The following CPPED1 variants were observed in gnomAD, a reference collection of about 807,000 sequenced individuals.
CPPED1 encodes serine/threonine-protein phosphatase CPPED1.
In CPPED1, 28 loss-of-function variants were observed where a neutral mutation model predicts 28.0. The ratio of observed to expected loss-of-function variants is 1.00; its 90% CI spans 0.74 to 1.37. The LOEUF is 1.37. Ranked by LOEUF, CPPED1 falls within the 40% of genes most tolerant of loss-of-function variation. The pLI, the probability that CPPED1 is intolerant of heterozygous loss-of-function variation, is 0.00. For missense variants in CPPED1, 504 were observed against 416.5 expected, an observed-to-expected ratio of 1.21 and a Z score of -1.83; for synonymous variants, 198 against 180.2, an observed-to-expected ratio of 1.10 and a Z score of -0.79.
chr16:12,681,953 G>A (rs1242005230), intron 3 of CPPED1, among the ~76,000 whole-genome samples: 1 of 152,134 alleles, frequency 6.6e-6, no homozygotes, highest in Non-Finnish European at 1.5e-5. Flanking sequence ...CCACAGCCTT[G>A]AGAGTGTGAT....
At chr16:12,698,107 C>T (rs1161939357) in intron 3 of CPPED1, among the ~76,000 whole-genome samples, 1 of 152,066 alleles carries the variant, frequency 6.6e-6, no homozygotes, top group Non-Finnish European at 1.5e-5. Context: ...GAGACTCTGA[C>T]CCCAACCCCC....
intron 2 of CPPED1, among the ~76,000 whole-genome samples, chr16:12,770,415 G>C (rs1167480406): frequency 6.6e-6 from 1 of 152,202 alleles, no homozygotes; most frequent in Non-Finnish European, 1.5e-5. Context: ...AGAACGCAAT[G>C]CAGTTATTAA....
At chr16:12,798,583 TCAG>T (rs2080640772) in intron 1 of CPPED1, among the ~76,000 whole-genome samples, 3 of 152,236 alleles carry the variant, frequency 2.0e-5, no homozygotes, top group Admixed American at 2.0e-4. Context: ...GCAAATTCCA[TCAG>T]CTTCTTAGGA....
intron 3 of CPPED1, among the ~76,000 whole-genome samples, chr16:12,691,990 C>T (rs932393074): frequency 6.6e-6 from 1 of 151,010 alleles, no homozygotes; most frequent in African/African-American, 2.4e-5. Flanking sequence ...ACAAAAACAA[C>T]ATAAAGGCAT....
At chr16:12,680,417 T>C (rs1166545375) in intron 3 of CPPED1, among the ~76,000 whole-genome samples, 3 of 152,188 alleles carry the variant, frequency 2.0e-5, no homozygotes, top group African/African-American at 7.2e-5. Context: ...ATGTAAAATC[T>C]AGGTTGCCGG....
Position 12,742,459 on chromosome 16 carries a change from G to C in CPPED1, c.290-37410C>G, listed in dbSNP as rs567128673. On this transcript the variant is annotated intron_variant, in intron 2 of 3. Transcript: ENST00000381774. ...ATGATTGCCAACCTTAAATAGATAT[G>C]GGAAAATTTATTTCACTCATTGCAA... 4.6e-5 allele frequency among the ~76,000 whole-genome samples: 7 copies of C among 152,246 alleles called. No homozygotes were observed. The East Asian group carries it at 1.2e-3, about 25-fold the overall frequency.
At position 12,803,706 on chromosome 16, in the gene CPPED1, C is replaced by T; in HGVS notation, c.70+1G>A. 2 of 1,575,254 alleles carry T rather than the reference C, an allele frequency of 1.3e-6. No homozygotes were observed. Among genetic ancestry groups the T allele is most frequent in the Non-Finnish European group, 8.6e-7 (1 of 1,162,522 alleles). ...CTCCCCGGGTGAGGGGCGGGCAGTA[C>T]CTGCGGGAAACGCGGCCAGGGTCCT... On this transcript the variant is annotated splice_donor_variant, in intron 1 of 3. Coordinates refer to ENST00000381774, the MANE Select transcript of CPPED1 (RefSeq NM_018340.3). LOFTEE classifies it high-confidence loss of function.
intron 2 of CPPED1, among the ~76,000 whole-genome samples, chr16:12,739,689 C>T (rs1356372171): frequency 1.3e-5 from 2 of 152,174 alleles, no homozygotes; most frequent in East Asian, 1.9e-4. Context: ...CCCATTTTTG[C>T]CTCTAGTATA....
chr16:12,775,166 C>T (rs559061448), intron 2 of CPPED1, among the ~76,000 whole-genome samples: 1 of 152,150 alleles, frequency 6.6e-6, no homozygotes, highest in South Asian at 2.1e-4. Flanking sequence ...ACACTCAGCC[C>T]CCTCCCCATG....
At chr16:12,771,425 G>A (rs1293246573) in intron 2 of CPPED1, among the ~76,000 whole-genome samples, 1 of 152,200 alleles carries the variant, frequency 6.6e-6, no homozygotes, top group Non-Finnish European at 1.5e-5. Context: ...TACCTTCCAC[G>A]TGCCTTGCAC....
intron 3 of CPPED1, among the ~76,000 whole-genome samples, chr16:12,677,043 C>T (rs982804099): frequency 3.3e-5 from 5 of 152,134 alleles, no homozygotes; most frequent in African/African-American, 9.7e-5. Context: ...GGGAATATCA[C>T]GAGCGAGTGA....
At chr16:12,785,367 AG>A (rs1251191338) in intron 1 of CPPED1, among the ~76,000 whole-genome samples, 1 of 151,728 alleles carries the variant, frequency 6.6e-6, no homozygotes, top group African/African-American at 2.4e-5. Flanking sequence ...CTCCTGCCTC[AG>A]CCTCCCAAAG....
chr16:12,696,817 C>T (rs2079993531), intron 3 of CPPED1, among the ~76,000 whole-genome samples: 1 of 151,998 alleles, frequency 6.6e-6, no homozygotes, highest in Admixed American at 6.6e-5. Context: ...GGTGAGTACC[C>T]TCTTTTTACA....
intron 1 of CPPED1, among the ~76,000 whole-genome samples, chr16:12,795,498 C>T (rs969049648): frequency 1.3e-5 from 2 of 152,226 alleles, no homozygotes; most frequent in African/African-American, 4.8e-5. Flanking sequence ...AGCCACCATG[C>T]TCAGCTAATC....
chr16:12,746,978 A>C (rs1314816750), intron 2 of CPPED1, among the ~76,000 whole-genome samples: 2 of 152,026 alleles, frequency 1.3e-5, no homozygotes, highest in African/African-American at 2.4e-5. Context: ...GAAAAAGGGG[A>C]ACAGACAACA....
intron 2 of CPPED1, among the ~76,000 whole-genome samples, chr16:12,768,084 C>T (rs565564959): frequency 2.6e-4 from 39 of 152,294 alleles, no homozygotes; most frequent in African/African-American, 8.9e-4. Context: ...CTCTTAGATA[C>T]GGATAAGATG....
intron 3 of CPPED1, among the ~76,000 whole-genome samples, chr16:12,690,923 G>A (rs2079959311): frequency 6.6e-6 from 1 of 152,224 alleles, no homozygotes; most frequent in African/African-American, 2.4e-5. Context: ...GGCAGCCCCT[G>A]TAGAGGAGCA....
chr16:12,768,042 A>G (rs898351705), intron 2 of CPPED1, among the ~76,000 whole-genome samples: 3 of 152,172 alleles, frequency 2.0e-5, no homozygotes, highest in African/African-American at 7.2e-5. Flanking sequence ...AATTTTCTTT[A>G]AAGATAAGAT....
chr16:12,710,348 G>A lies in CPPED1; in HGVS notation c.290-5299C>T, dbSNP rs530644374. 5.9e-5 allele frequency among the ~76,000 whole-genome samples: 9 copies of A among 152,110 alleles called. No homozygotes were observed. In the East Asian group the frequency reaches 1.3e-3, roughly 23 times the overall value. ...TCCCAGACATCTGAGCAACTGGGAG[G>A]CTGGTCATGTTGTTTACTGTCAGGG... On this transcript the variant is annotated intron_variant, in intron 2 of 3. Coordinates refer to ENST00000381774, the MANE Select transcript of CPPED1 (RefSeq NM_018340.3).
Sources: gnomAD v4.1 joint callset for allele counts (sites outside exome capture counted in the v4.1 genomes callset) on GRCh38, gnomAD v4.1.1 for gene constraint, MANE v1.5 for transcripts, NCBI Gene and HGNC (gene_info 2026-07-23, HGNC 2026-07-21) for gene names.